PYGB: variants seen among roughly 807,000 people sequenced by gnomAD.
The protein encoded by PYGB is glycogen phosphorylase B, also known as glycogen phosphorylase, brain form.
A neutral mutation model predicts 94.3 loss-of-function variants in PYGB; 82 were observed. That is an observed-to-expected ratio of 0.87 (90% CI 0.73 to 1.04). The LOEUF is 1.04. PYGB is among the 50% of genes least tolerant of loss of function. PYGB has a pLI of 0.00. For missense variants in PYGB, 1,132 were observed against 1,158.2 expected (o/e 0.98, Z 0.33); for synonymous variants, 488 against 479.1 (o/e 1.02, Z -0.24).
In PYGB at chr20:25,248,145, C is replaced by A. The variant is rs770889991; in HGVS notation, c.-34C>A. 1.3e-6 allele frequency: 2 copies of A among 1,559,168 alleles called. No homozygotes were observed. Among genetic ancestry groups the A allele is most frequent in the African/African-American group, 2.8e-5 (2 of 71,644 alleles). ...CGTTCGCGTGTGCCGCCGCTTTCCT[C>A]CTCCATCTCTTTTCCTCCGCCTCCG... On this transcript the variant is annotated 5_prime_UTR_variant, in exon 1 of 20. Transcript: ENST00000216962.
At chr20:25,295,006 G>C (rs758433942) in intron 18 of PYGB, 7 of 1,614,210 alleles carry the variant, frequency 4.3e-6, no homozygotes, top group Non-Finnish European at 5.9e-6. Context: ...TGGGATCTGG[G>C]CTGGAACCTG....
At chr20:25,264,749 A>G (rs891960649) in intron 2 of PYGB, among the ~76,000 whole-genome samples, 4 of 152,218 alleles carry the variant, frequency 2.6e-5, no homozygotes, top group South Asian at 2.1e-4. Flanking sequence ...AAGGAGAACT[A>G]CAAACCACTG....
intron 5 of PYGB, 87 bp downstream of exon 5, chr20:25,274,810 G>T: frequency 6.6e-7 from 1 of 1,512,934 alleles, no homozygotes. Flanking sequence ...AGCTTCTTTT[G>T]GCTTGGGGGG....
At chr20:25,260,659 A>G (rs2474763) in intron 2 of PYGB, among the ~76,000 whole-genome samples, 91,336 of 152,116 alleles carry the variant, frequency 0.6, 28,776 homozygotes, top group East Asian at 0.98. Context: ...GCGTGAGAGC[A>G]TGAGCTAAAG....
At chr20:25,251,340 T>A (rs1327525656) in intron 1 of PYGB, 1 of 152,268 alleles carries the variant, frequency 6.6e-6, no homozygotes, top group Non-Finnish European at 1.5e-5. Context: ...AACTGTGGGC[T>A]TGGGCGGATT....
intron 13 of PYGB, 57 bp from the exon 14 acceptor site, chr20:25,284,047 G>C (rs905192365): frequency 6.3e-7 from 1 of 1,594,426 alleles, no homozygotes. Flanking sequence ...AAGCCGCAGG[G>C]TCAGTGGATG....
At chr20:25,286,360 C>T (rs541268308) in intron 14 of PYGB, among the ~76,000 whole-genome samples, 3 of 152,284 alleles carry the variant, frequency 2.0e-5, no homozygotes, top group East Asian at 1.9e-4. Context: ...GAGTCTCTGC[C>T]GGCTGCACTC....
intron 4 of PYGB, among the ~76,000 whole-genome samples, chr20:25,272,023 C>T (rs62212152): frequency 6.6e-6 from 1 of 152,126 alleles, no homozygotes; most frequent in Non-Finnish European, 1.5e-5. Flanking sequence ...GAGTGAGCCT[C>T]GATCTTGAAG....
intron 14 of PYGB, among the ~76,000 whole-genome samples, chr20:25,287,253 AC>A (rs2088426512): frequency 6.6e-6 from 1 of 152,240 alleles, no homozygotes; most frequent in African/African-American, 2.4e-5. Context: ...CAGAGGGGAG[AC>A]ACAAGGTCTC....
intron 18 of PYGB, 79 bp downstream of exon 18, chr20:25,294,371 C>T (rs2088507429): frequency 6.8e-7 from 1 of 1,479,746 alleles, no homozygotes; most frequent in African/African-American, 1.4e-5. Flanking sequence ...GGATATTCCA[C>T]CTTGTTTGGA....
At chr20:25,276,544 AGCAGGGC>A in intron 5 of PYGB, 95 bp from the exon 6 acceptor site, 4 of 915,056 alleles carry the variant, frequency 4.4e-6, no homozygotes, top group Non-Finnish European at 6.9e-6. Flanking sequence ...GTGGGGGGCC[AGCAGGGC>A]GCCAGGTGCC....
Position 25,282,159 on chromosome 20 carries a change from GC to G in PYGB, c.1518+16del, listed in dbSNP as rs748623418. On this transcript the variant is annotated intron_variant, in intron 12 of 19. Coordinates refer to ENST00000216962, the MANE Select transcript of PYGB (RefSeq NM_002862.4). ...ATACCATCGTGGAGGTGAGTCCCGGGCCCCACCCGTGCCTGTGGAGATGCCT... is the reference window on the plus strand; with the variant it reads ...ATACCATCGTGGAGGTGAGTCCCGGGCCCACCCGTGCCTGTGGAGATGCCT... 1 of 1,596,008 alleles carries G rather than the reference GC, an allele frequency of 6.3e-7. No individual in the cohort carries two copies. The highest frequency in any genetic ancestry group is 8.6e-7 in the Non-Finnish European group (1 of 1,167,588).
Position 25,274,689 on chromosome 20 carries a change from A to G in PYGB, c.626A>G (p.His209Arg), listed in dbSNP as rs1467467978. 1.9e-6 allele frequency: 3 copies of G among 1,613,630 alleles called. No individual in the cohort carries two copies. Among genetic ancestry groups the G allele is most frequent in the African/African-American group, 2.7e-5 (2 of 75,050 alleles). ...GTGCACTTCTACGGACGCGTGGAGC[A>G]CACCCCCGACGGCGTGAAGTGGCTG... Reference protein sequence around the residue: ...LPVHFYGRVEHTPDGVKWLDT... With the variant: ...LPVHFYGRVERTPDGVKWLDT... The change falls in exon 5 of 20, where the codon CAC becomes CGC. Residue 209 changes from histidine to arginine, a missense_variant. Physicochemically the swap from His to Arg is conservative, Grantham distance 29. Transcript: ENST00000216962.
chr20:25,293,069 CTG>C (rs892810453), intron 17 of PYGB, among the ~76,000 whole-genome samples: 23 of 148,106 alleles, frequency 1.6e-4, no homozygotes, highest in Admixed American at 2.8e-4. Flanking sequence ...TAAGTTGTAA[CTG>C]TTAAAATTGT....
intron 2 of PYGB, among the ~76,000 whole-genome samples, chr20:25,262,545 A>G (rs2092915916): frequency 6.6e-6 from 1 of 152,218 alleles, no homozygotes. Context: ...AAAGACCATC[A>G]AAGCTAGGAA....
intron 2 of PYGB, among the ~76,000 whole-genome samples, chr20:25,260,193 T>A (rs1008061926): frequency 3.9e-5 from 6 of 152,236 alleles, no homozygotes; most frequent in Admixed American, 3.9e-4. Context: ...CTAATGGTGC[T>A]AAAGGTTACC....
At chr20:25,250,262 C>A (rs2092883946) in intron 1 of PYGB, among the ~76,000 whole-genome samples, 1 of 152,076 alleles carries the variant, frequency 6.6e-6, no homozygotes, top group Admixed American at 6.6e-5. Context: ...CCTTAGGGTG[C>A]CCATTGGAGT....
In PYGB at chr20:25,297,825, T is replaced by TTGAG. The variant is rs2088573065; in HGVS notation, c.*1306_*1309dup. ...CCCACCAGAGCACTACAGCCTTTTATTGAGTGGGGCAAGTGCTGGGCTGTG... is the reference window on the plus strand; with the variant it reads ...CCCACCAGAGCACTACAGCCTTTTATTGAGTGAGTGGGGCAAGTGCTGGGCTGTG... On this transcript the variant is annotated 3_prime_UTR_variant, in exon 20 of 20. Transcript: ENST00000216962. 7.9e-6 allele frequency: 1 copy of TTGAG among 125,836 alleles called. No individual in the cohort carries two copies. The highest frequency in any genetic ancestry group is 1.8e-5 in the Non-Finnish European group (1 of 55,424). The allele number at this position is 125,836 out of a possible 1,614,324, so 7.8% of individuals were successfully genotyped here.
intron 1 of PYGB, among the ~76,000 whole-genome samples, chr20:25,253,803 A>G (rs1039609061): frequency 1.3e-5 from 2 of 152,270 alleles, no homozygotes; most frequent in Non-Finnish European, 2.9e-5. Flanking sequence ...GATGTTAAAC[A>G]TTGCAACACA....
Sources: gnomAD v4.1 joint callset for allele counts (sites outside exome capture counted in the v4.1 genomes callset) on GRCh38, gnomAD v4.1.1 for gene constraint, MANE v1.5 for transcripts, NCBI Gene and HGNC (gene_info 2026-07-23, HGNC 2026-07-21) for gene names.